PPFIBP1: variants seen among roughly 807,000 people sequenced by gnomAD.
The protein encoded by PPFIBP1 is PPFIB scaffold protein 1, also known as liprin-beta-1.
In PPFIBP1, 112 loss-of-function variants were observed where a neutral mutation model predicts 137.8. The observed-to-expected ratio is 0.81, with a 90% CI of 0.70 to 0.95. The LOEUF (loss-of-function observed/expected upper bound fraction) is 0.95, where lower values mean the gene tolerates loss of function less well. Among genes scored for constraint, PPFIBP1 ranks in the 40% least tolerant of loss-of-function variants. The probability of loss-of-function intolerance (pLI) is 0.00; values close to 1 mark genes in which losing one functional copy is unlikely to be tolerated. For missense variants in PPFIBP1, 1,083 were observed against 1,196.6 expected (o/e 0.91, Z 1.40); for synonymous variants, 378 against 417.3 (o/e 0.91, Z 1.15).
chr12:27,581,982 GTA>G (rs1031686108), intron 2 of PPFIBP1, among the ~76,000 whole-genome samples: 20 of 146,068 alleles, frequency 1.4e-4, no homozygotes, highest in East Asian at 4.8e-4. Context: ...GTGTGTGTAC[GTA>G]TGTGTGTGTG....
At chr12:27,658,389 G>C (rs1407584550) in intron 9 of PPFIBP1, among the ~76,000 whole-genome samples, 1 of 152,146 alleles carries the variant, frequency 6.6e-6, no homozygotes, top group Non-Finnish European at 1.5e-5. Context: ...GACCCTTTCA[G>C]TGTTGTTGAA....
intron 2 of PPFIBP1, among the ~76,000 whole-genome samples, chr12:27,594,414 G>T (rs1439570631): frequency 6.6e-6 from 1 of 152,126 alleles, no homozygotes. Flanking sequence ...CTCACCTCAG[G>T]TGATCCACCC....
chr12:27,525,468 G>T (rs911745578), intron 1 of PPFIBP1, among the ~76,000 whole-genome samples: 2 of 144,142 alleles, frequency 1.4e-5, no homozygotes, highest in Admixed American at 7.2e-5. Flanking sequence ...CACCGATTCA[G>T]GACCCTCTCA....
chr12:27,544,651 T>C (rs1286894846), intron 1 of PPFIBP1, among the ~76,000 whole-genome samples: 2 of 152,184 alleles, frequency 1.3e-5, no homozygotes, highest in Non-Finnish European at 1.5e-5. Flanking sequence ...AAGCTCATCA[T>C]CACTGATCAT....
intron 1 of PPFIBP1, among the ~76,000 whole-genome samples, chr12:27,524,665 A>G (rs1943518558): frequency 6.6e-6 from 1 of 152,056 alleles, no homozygotes; most frequent in Non-Finnish European, 1.5e-5. Context: ...AACCCCAACC[A>G]GAGGGGCGTG....
intron 12 of PPFIBP1, 70 bp downstream of exon 12, chr12:27,664,516 CT>C: frequency 1.9e-6 from 2 of 1,074,848 alleles, no homozygotes; most frequent in South Asian, 2.7e-5. Context: ...CACATTTGGC[CT>C]CAATTTCTTT....
intron 24 of PPFIBP1, among the ~76,000 whole-genome samples, chr12:27,686,258 TTTTC>T (rs2061196039): frequency 6.6e-6 from 1 of 152,210 alleles, no homozygotes; most frequent in African/African-American, 2.4e-5. Context: ...GATTACATTT[TTTTC>T]TTTCTTTCAT....
At chr12:27,682,580 G>A in intron 23 of PPFIBP1, 35 bp from the exon 24 acceptor site, 1 of 1,612,554 alleles carries the variant, frequency 6.2e-7, no homozygotes, top group Non-Finnish European at 8.5e-7. Flanking sequence ...CAGATGTTTT[G>A]TGGCATGGTA....
chr12:27,685,400 C>T lies in PPFIBP1; in HGVS notation c.2248-1985C>T, dbSNP rs371927584. ...TTGGGTAACTTGGTAACCAAGTTTC[C>T]ACAGTTAGCAATAGAAAGTCATAGA... On this transcript the variant is annotated intron_variant, in intron 24 of 29. Coordinates refer to ENST00000228425, the MANE Select transcript of PPFIBP1 (RefSeq NM_003622.4). Among the ~76,000 whole-genome samples the T allele has an allele frequency of 5.3e-5, 8 of 151,828 alleles. No individual in the cohort carries two copies. The South Asian group carries it at 1.2e-3, about 24-fold the overall frequency.
intron 2 of PPFIBP1, among the ~76,000 whole-genome samples, chr12:27,603,668 C>CAG (rs1046735797): frequency 2.6e-4 from 40 of 152,264 alleles, no homozygotes; most frequent in African/African-American, 9.4e-4. Context: ...AGGGAACCAC[C>CAG]AGAGTTAGCA....
At chr12:27,581,781 G>C (rs1287895129) in intron 2 of PPFIBP1, among the ~76,000 whole-genome samples, 1 of 151,978 alleles carries the variant, frequency 6.6e-6, no homozygotes, top group East Asian at 1.9e-4. Flanking sequence ...GTGCTTAATT[G>C]GTTCGTGATA....
intron 13 of PPFIBP1, among the ~76,000 whole-genome samples, chr12:27,670,455 A>T (rs12310856): frequency 0.02 from 3,044 of 152,298 alleles, 107 homozygotes; most frequent in African/African-American, 0.07. Flanking sequence ...CCAATGTTCC[A>T]TATAAGATTA....
intron 2 of PPFIBP1, chr12:27,599,451 T>A: frequency 2.2e-6 from 1 of 455,918 alleles, no homozygotes; most frequent in Non-Finnish European, 4.4e-6. Flanking sequence ...AGTTAGCAGA[T>A]CTTGGGACTT....
intron 11 of PPFIBP1, among the ~76,000 whole-genome samples, chr12:27,662,442 G>C (rs1455629006): frequency 6.6e-6 from 1 of 152,210 alleles, no homozygotes; most frequent in Non-Finnish European, 1.5e-5. Context: ...AGCAGAATGG[G>C]AGAGTGAAGA....
chr12:27,594,134 T>C, intron 2 of PPFIBP1: 262 of 401,446 alleles, frequency 6.5e-4, no homozygotes, highest in Non-Finnish European at 9.6e-4. Flanking sequence ...GAGAAGAGAA[T>C]CATGGTACTT....
chr12:27,540,459 CAA>C (rs201926488), intron 1 of PPFIBP1, among the ~76,000 whole-genome samples: 9 of 104,570 alleles, frequency 8.6e-5, no homozygotes, highest in Non-Finnish European at 8.2e-5. Context: ...CCTGTCTCTA[CAA>C]AAAAAAAAAA....
Position 27,555,306 on chromosome 12 carries a change from T to C in PPFIBP1, c.-123-22846T>C, listed in dbSNP as rs555556970. On this transcript the variant is annotated intron_variant, in intron 1 of 29. Transcript: ENST00000228425. ...GCACTCTTTGCTGTGGCATAGATCA[T>C]AGAAAGCACAATAACTGCTTGTTTC... Among the ~76,000 whole-genome samples, 159 of 152,374 alleles carry C rather than the reference T, an allele frequency of 1.0e-3. 1 individual carries two copies. Among genetic ancestry groups the C allele is most frequent in the African/African-American group, 3.5e-3 (147 of 41,594 alleles).
rs752895983 is a variant in PPFIBP1 at position 27,687,365 on chromosome 12, C to G, written c.2248-20C>G. 2 of 1,612,066 alleles carry G rather than the reference C, an allele frequency of 1.2e-6. No homozygotes were observed. Among genetic ancestry groups the G allele is most frequent in the South Asian group, 2.2e-5 (2 of 90,856 alleles). On this transcript the variant is annotated intron_variant, in intron 24 of 29. Coordinates refer to ENST00000228425, the MANE Select transcript of PPFIBP1 (RefSeq NM_003622.4). ...CTACAGGCCAGCACAGTGAGCTCCT[C>G]CTTTTGTTCTTTTTTGCAGGATGAC...
chr12:27,662,739 T>C (rs1354373055), intron 11 of PPFIBP1, among the ~76,000 whole-genome samples: 1 of 151,984 alleles, frequency 6.6e-6, no homozygotes, highest in African/African-American at 2.4e-5. Flanking sequence ...TCAATATGCT[T>C]ATGGGACATT....
Sources: allele counts gnomAD v4.1 joint callset (sites outside exome capture counted in the v4.1 genomes callset), GRCh38; gene constraint gnomAD v4.1.1; transcripts MANE v1.5; gene names NCBI Gene and HGNC (gene_info 2026-07-23, HGNC 2026-07-21).